Variants in SLCO3A1 observed in about 807,000 individuals in gnomAD.
SLCO3A1 encodes solute carrier organic anion transporter family member 3A1.
In SLCO3A1, 27 loss-of-function variants were observed where a neutral mutation model predicts 63.1. The observed-to-expected ratio is 0.43, with a 90% CI of 0.32 to 0.59. The LOEUF (loss-of-function observed/expected upper bound fraction) is 0.59. SLCO3A1 is among the 20% of genes least tolerant of loss of function. The pLI, the probability that SLCO3A1 is intolerant of heterozygous loss-of-function variation, is 0.09. For synonymous variants in SLCO3A1, 473 were observed against 409.9 expected (o/e 1.15, Z -1.86); for missense variants, 773 against 945.8 (o/e 0.82, Z 2.40).
chr15:92,162,133 C>CTTTTTTTTTTTTTTT (rs397854182), intron 9 of SLCO3A1: 1 of 59,348 alleles, frequency 1.7e-5, no homozygotes, highest in Non-Finnish European at 2.9e-5. Context: ...GTTCTAGATG[C>CTTTTTTTTTTTTTTT]TTTTTTTTTT....
intron 1 of SLCO3A1, among the ~76,000 whole-genome samples, chr15:91,890,484 C>T (rs1897843728): frequency 6.6e-6 from 1 of 152,212 alleles, no homozygotes. Context: ...CCAGTGGCCT[C>T]ACCCAGAGCT....
chr15:91,855,785 A>C (rs149182364), intron 1 of SLCO3A1, among the ~76,000 whole-genome samples: 1 of 152,190 alleles, frequency 6.6e-6, no homozygotes, highest in African/African-American at 2.4e-5. Flanking sequence ...TGCAAAGTAC[A>C]TAATACCTAA....
In SLCO3A1 at chr15:91,863,876, G is replaced by T. The variant is rs1054266299; in HGVS notation, c.180+9788G>T. Among the ~76,000 whole-genome samples, 4 of 152,158 alleles carry T rather than the reference G, an allele frequency of 2.6e-5. No homozygotes were observed. The highest frequency in any genetic ancestry group is 5.9e-5 in the Non-Finnish European group (4 of 68,036). Reference sequence around the variant, plus strand: ...TGGGAGGCTTAACATGCCAGTGACAGTTTCTCAGCCAGCCAAAGAGAGGAT... The same window carrying T: ...TGGGAGGCTTAACATGCCAGTGACATTTTCTCAGCCAGCCAAAGAGAGGAT... On this transcript the variant is annotated intron_variant, in intron 1 of 9. Transcript: ENST00000318445. This position sits in a 1 kb window ranked among gnomAD's most constrained non-coding sequence, Gnocchi z 4.3.
intron 2 of SLCO3A1, among the ~76,000 whole-genome samples, chr15:92,085,136 G>T (rs746630726): frequency 6.6e-6 from 1 of 152,186 alleles, no homozygotes; most frequent in African/African-American, 2.4e-5. Context: ...GGCTCCCCAG[G>T]TTTCCAGGCA....
chr15:91,936,877 A>G (rs1461594008), intron 2 of SLCO3A1, among the ~76,000 whole-genome samples: 1 of 152,162 alleles, frequency 6.6e-6, no homozygotes, highest in Admixed American at 6.5e-5. Flanking sequence ...TTTCTCTCGT[A>G]GGCACCATAT....
chr15:91,960,296 T>C (rs534651280), intron 2 of SLCO3A1, among the ~76,000 whole-genome samples: 2 of 152,240 alleles, frequency 1.3e-5, no homozygotes, highest in Non-Finnish European at 2.9e-5. Context: ...TGTGGCCTTT[T>C]ATGACTGCCT....
chr15:91,935,958 A>AG (rs1899398080), intron 2 of SLCO3A1, among the ~76,000 whole-genome samples: 3 of 152,194 alleles, frequency 2.0e-5, no homozygotes, highest in Non-Finnish European at 2.9e-5. Context: ...TATCATGGAG[A>AG]GAGCACTGCT....
chr15:91,993,847 A>G (rs374588365), intron 2 of SLCO3A1, among the ~76,000 whole-genome samples: 10 of 152,302 alleles, frequency 6.6e-5, no homozygotes, highest in African/African-American at 1.7e-4. Context: ...CTTGCTCTGG[A>G]GGGAAGCTGG....
intron 2 of SLCO3A1, among the ~76,000 whole-genome samples, chr15:92,077,792 A>G (rs961191237): frequency 2.6e-5 from 4 of 152,194 alleles, no homozygotes; most frequent in Admixed American, 2.6e-4. Flanking sequence ...TTCCTTTGGA[A>G]TTAATTAGAT....
chr15:92,169,680 A>G (rs1033941806), downstream of SLCO3A1, among the ~76,000 whole-genome samples: 1 of 152,212 alleles, frequency 6.6e-6, no homozygotes, highest in African/African-American at 2.4e-5. Context: ...GACCCCAGAT[A>G]CCTGCCATGC....
chr15:92,067,603 A>G (rs2047166961), intron 2 of SLCO3A1, among the ~76,000 whole-genome samples: 1 of 152,246 alleles, frequency 6.6e-6, no homozygotes, highest in Non-Finnish European at 1.5e-5. Context: ...CAATTGGGTC[A>G]TTAAATAAGA....
rs138846224 is a variant in SLCO3A1, at chr15:91,894,026, C to G, written c.181-21967C>G. On this transcript the variant is annotated intron_variant, in intron 1 of 9. Transcript: ENST00000318445. The surrounding 1 kb of genome is among the most constrained non-coding windows in gnomAD (Gnocchi z 4.8). ...CGAAGGTGGTGCTGATCAAAGGAAG[C>G]CTTTCTCAGGAGGGGACGTTTGAGC... is the stretch of plus-strand genomic sequence containing the variant. Among the ~76,000 whole-genome samples the G allele has an allele frequency of 3.5e-3, 534 of 152,246 alleles. 2 individuals carry two copies. Among genetic ancestry groups the G allele is most frequent in the African/African-American group, 0.012 (500 of 41,524 alleles).
Position 91,856,822 on chromosome 15 carries a change from C to T in SLCO3A1, c.180+2734C>T, listed in dbSNP as rs548157103. On this transcript the variant is annotated intron_variant, in intron 1 of 9. Coordinates refer to ENST00000318445, the MANE Select transcript of SLCO3A1 (RefSeq NM_013272.4). The surrounding 1 kb of genome is among the most constrained non-coding windows in gnomAD (Gnocchi z 4.9). ...AGGGTGGTTACAAATTCTATGCCAA[C>T]GATGTTATTTCCTATTAGATTCCCA... Among the ~76,000 whole-genome samples, 1 of 152,130 alleles carries T rather than the reference C, an allele frequency of 6.6e-6. No individual in the cohort carries two copies. Among genetic ancestry groups the T allele is most frequent in the South Asian group, 2.1e-4 (1 of 4,830 alleles).
intron 2 of SLCO3A1, among the ~76,000 whole-genome samples, chr15:92,038,707 C>T (rs992523531): frequency 6.6e-6 from 1 of 152,106 alleles, no homozygotes; most frequent in African/African-American, 2.4e-5. Context: ...AATGCTATTC[C>T]CATCAAACTA....
At chr15:92,171,895 C>T (rs2048523637) in exon 11 of SLCO3A1, 12 of 1,493,298 alleles carry the variant, frequency 8.0e-6, no homozygotes, top group Non-Finnish European at 1.1e-5. Flanking sequence ...CTGGAGAGAA[C>T]AGCCCACCAC....
intron 9 of SLCO3A1, among the ~76,000 whole-genome samples, chr15:92,156,109 G>A (rs1296888419): frequency 6.6e-6 from 1 of 152,150 alleles, no homozygotes; most frequent in African/African-American, 2.4e-5. Context: ...GACATTTGTT[G>A]AGTTCCTGCT....
intron 5 of SLCO3A1, among the ~76,000 whole-genome samples, chr15:92,122,135 CA>C (rs2047870171): frequency 6.6e-6 from 1 of 151,940 alleles, no homozygotes; most frequent in Admixed American, 6.6e-5. Context: ...AAGGAGCCCA[CA>C]GCTGGGGATT....
At chr15:91,871,064 A>G (rs1350421745) in intron 1 of SLCO3A1, among the ~76,000 whole-genome samples, 1 of 152,162 alleles carries the variant, frequency 6.6e-6, no homozygotes, top group Non-Finnish European at 1.5e-5. Context: ...GTCTGTGTTT[A>G]AAGATAACCA....
intron 8 of SLCO3A1, among the ~76,000 whole-genome samples, chr15:92,150,342 CT>C (rs576917661): frequency 1.0e-3 from 153 of 152,304 alleles, no homozygotes; most frequent in African/African-American, 3.5e-3. Flanking sequence ...TGTTAATCTC[CT>C]GTGGCAACAC....
Sources: allele counts gnomAD v4.1 joint callset (sites outside exome capture counted in the v4.1 genomes callset), GRCh38; gene constraint gnomAD v4.1.1; non-coding constraint Gnocchi (gnomAD v3.1); transcripts MANE v1.5; gene names NCBI Gene and HGNC (gene_info 2026-07-23, HGNC 2026-07-21).